Variants in TTC39B observed in about 807,000 individuals in gnomAD.
The protein encoded by TTC39B is tetratricopeptide repeat domain 39B.
A neutral mutation model predicts 96.6 loss-of-function variants in TTC39B; 92 were observed. The observed-to-expected ratio is 0.95, with a 90% CI of 0.80 to 1.13. The LOEUF (loss-of-function observed/expected upper bound fraction) is 1.13. TTC39B is among the 50% of genes most tolerant of loss of function. TTC39B has a pLI of 0.00. For missense variants in TTC39B, 955 were observed against 809.3 expected (o/e 1.18, Z -2.18); for synonymous variants, 367 against 299.4 (o/e 1.23, Z -2.33).
intron 2 of TTC39B, among the ~76,000 whole-genome samples, chr9:15,265,697 C>T (rs367684361): frequency 1.8e-4 from 27 of 152,306 alleles, no homozygotes; most frequent in African/African-American, 5.3e-4. Flanking sequence ...ACAAACACTA[C>T]CCATGCCATG....
chr9:15,275,504 A>C (rs1207238622), intron 1 of TTC39B, among the ~76,000 whole-genome samples: 1 of 152,232 alleles, frequency 6.6e-6, no homozygotes, highest in African/African-American at 2.4e-5. Flanking sequence ...ATTACTTTCT[A>C]TGCATTTAGG....
chr9:15,252,020 C>T (rs923327891), intron 2 of TTC39B, among the ~76,000 whole-genome samples: 6 of 151,822 alleles, frequency 4.0e-5, no homozygotes, highest in Admixed American at 2.0e-4. Flanking sequence ...ATTCACCAAA[C>T]GACAGCAAAT....
chr9:15,271,799 C>T (rs778466930), intron 1 of TTC39B, among the ~76,000 whole-genome samples: 2 of 152,196 alleles, frequency 1.3e-5, no homozygotes, highest in Non-Finnish European at 2.9e-5. Context: ...TCCTCAAATA[C>T]TGTTTGGATC....
chr9:15,198,299 A>C (rs1322515667), intron 8 of TTC39B, among the ~76,000 whole-genome samples: 2 of 152,014 alleles, frequency 1.3e-5, no homozygotes, highest in African/African-American at 4.8e-5. Flanking sequence ...TTTACTAAAA[A>C]TACAAAAATT....
rs568971120 is a variant in TTC39B, at chr9:15,258,458, T to C, written c.275+9456A>G. On this transcript the variant is annotated intron_variant, in intron 2 of 19. Coordinates refer to ENST00000512701, the Ensembl canonical transcript of TTC39B. ...TCAGTTTGGGACATAAAAATTAATG[T>C]GTTTGTGAAACATCCTAGTGAGTGA... Among the ~76,000 whole-genome samples, 68 of 152,330 alleles carry C rather than the reference T, an allele frequency of 4.5e-4. 1 individual carries two copies. The South Asian group carries it at 0.012, about 28-fold the overall frequency.
intron 2 of TTC39B, among the ~76,000 whole-genome samples, chr9:15,235,534 T>G (rs1448886771): frequency 6.6e-6 from 1 of 151,924 alleles, no homozygotes; most frequent in East Asian, 1.9e-4. Flanking sequence ...AGGTCAACAC[T>G]AAAGAAAAAA....
At chr9:15,278,438 T>C (rs937835117) in intron 1 of TTC39B, among the ~76,000 whole-genome samples, 6 of 152,260 alleles carry the variant, frequency 3.9e-5, no homozygotes, top group Non-Finnish European at 5.9e-5. Context: ...CCTGTGCATA[T>C]TTCTAAGTTA....
exon 20 of TTC39B, chr9:15,164,178 T>A (rs1364230939): frequency 6.6e-6 from 1 of 152,232 alleles, no homozygotes; most frequent in East Asian, 1.9e-4. Flanking sequence ...TTTCTAAAAA[T>A]GTTTTGCTCT....
Position 15,227,982 on chromosome 9 carries a change from G to A in TTC39B, c.276-1970C>T, listed in dbSNP as rs1428310153. On this transcript the variant is annotated intron_variant, in intron 2 of 19. Transcript: ENST00000512701. ...ACTTTTTAATATGTTATATTTAATC[G>A]TTTATAATTTAAATAAATGGTACAA... Among the ~76,000 whole-genome samples the A allele has an allele frequency of 4.6e-5, 7 of 151,838 alleles. No individual in the cohort carries two copies. The South Asian group carries it at 6.2e-4, about 14-fold the overall frequency.
chr9:15,188,143 A>T lies in TTC39B; in HGVS notation c.1234-11T>A. 6.3e-7 allele frequency: 1 copy of T among 1,578,904 alleles called. No individual in the cohort carries two copies. Among genetic ancestry groups the T allele is most frequent in the Non-Finnish European group, 8.6e-7 (1 of 1,163,938 alleles). ...AAATACTTCTTGTGCCTGTAAATCA[A>T]GTACACAAAGTTGATCGTCCAGATA... On this transcript the variant is annotated splice_polypyrimidine_tract_variant and intron_variant, in intron 13 of 19. Transcript: ENST00000512701.
chr9:15,167,018 ATATATATATATTTTTT>A (rs1564299922), exon 20 of TTC39B: 13 of 6,786 alleles, frequency 1.9e-3, no homozygotes, highest in Non-Finnish European at 2.8e-3. Flanking sequence ...ATATATATAT[ATATATATATATTTTTT>A]TTTTTTTTTT....
chr9:15,167,767 TTAATCATG>T (rs1231724766), exon 20 of TTC39B: 1 of 152,154 alleles, frequency 6.6e-6, no homozygotes, highest in Non-Finnish European at 1.5e-5. Context: ...AATATATATA[TTAATCATG>T]AAATCTATCT....
rs557566467 is a variant in TTC39B, at chr9:15,307,069, C to G, written c.240+15G>C. 2 of 1,609,018 alleles carry G rather than the reference C, an allele frequency of 1.2e-6. No individual in the cohort carries two copies. The highest frequency in any genetic ancestry group is 1.7e-6 in the Non-Finnish European group (2 of 1,177,890). Reference sequence around the variant, plus strand: ...GGCTTCAGGGGCCGGGCCCGCAATCCCCATCGGATCGTACCTCGTCCGCTT... The same window carrying G: ...GGCTTCAGGGGCCGGGCCCGCAATCGCCATCGGATCGTACCTCGTCCGCTT... On this transcript the variant is annotated intron_variant, in intron 1 of 19. Transcript: ENST00000512701.
intron 4 of TTC39B, among the ~76,000 whole-genome samples, chr9:15,212,787 T>A (rs1820283188): frequency 2.0e-5 from 3 of 152,218 alleles, no homozygotes; most frequent in Admixed American, 2.0e-4. Flanking sequence ...CCTATTTTCA[T>A]TCCATGTTAT....
intron 4 of TTC39B, among the ~76,000 whole-genome samples, chr9:15,212,240 C>T (rs1225485931): frequency 6.6e-6 from 1 of 152,122 alleles, no homozygotes; most frequent in Non-Finnish European, 1.5e-5. Context: ...GTCTAAACAT[C>T]CTTTGGTAAT....
intron 2 of TTC39B, among the ~76,000 whole-genome samples, chr9:15,253,393 T>A (rs1822635967): frequency 6.6e-6 from 1 of 152,184 alleles, no homozygotes; most frequent in African/African-American, 2.4e-5. Flanking sequence ...AGCCAAAGAA[T>A]GCAAGGAATG....
intron 1 of TTC39B, among the ~76,000 whole-genome samples, chr9:15,287,551 TC>T (rs1250455993): frequency 6.6e-6 from 1 of 152,178 alleles, no homozygotes; most frequent in Non-Finnish European, 1.5e-5. Context: ...GGTACTCGCT[TC>T]CCGGAGCTTA....
At chr9:15,258,015 G>A (rs185000955) in intron 2 of TTC39B, among the ~76,000 whole-genome samples, 5 of 152,130 alleles carry the variant, frequency 3.3e-5, no homozygotes, top group East Asian at 3.9e-4. Context: ...AGCCGAGTTC[G>A]TACCACTGCA....
Position 15,177,819 on chromosome 9 carries a change from A to C in TTC39B, c.1724-5T>G, listed in dbSNP as rs763674446. 15 of 1,543,282 alleles carry C rather than the reference A, an allele frequency of 9.7e-6. No individual in the cohort carries two copies. Among genetic ancestry groups the C allele is most frequent in the Admixed American group, 5.8e-5 (3 of 51,872 alleles). On this transcript the variant is annotated splice_polypyrimidine_tract_variant and splice_region_variant and intron_variant, in intron 17 of 19. Coordinates refer to ENST00000512701, the Ensembl canonical transcript of TTC39B. ...CCACAGAGAAGCTGTTAAAATCTTA[A>C]AACAAAAAACATACAAAGAAAACAC...
Sources: allele counts gnomAD v4.1 joint callset (sites outside exome capture counted in the v4.1 genomes callset), GRCh38; gene constraint gnomAD v4.1.1; transcripts MANE v1.5; gene names NCBI Gene and HGNC (gene_info 2026-07-23, HGNC 2026-07-21).